The following EXOC4 variants were observed in gnomAD, a reference collection of about 807,000 sequenced individuals.
EXOC4 encodes the protein exocyst complex component 4.
Under a neutral mutation model 107.2 loss-of-function variants are expected in EXOC4, and 71 were observed. That is an observed-to-expected ratio of 0.66 (90% CI 0.55 to 0.81). EXOC4 has a LOEUF of 0.81. EXOC4 is among the 30% of genes least tolerant of loss of function. The pLI, the probability that EXOC4 is intolerant of heterozygous loss-of-function variation, is 0.00. For missense variants in EXOC4, 1,108 were observed against 1,189.6 expected (o/e 0.93, Z 1.01); for synonymous variants, 456 against 441.2 (o/e 1.03, Z -0.42).
At chr7:133,507,071 T>G (rs1211831718) in intron 9 of EXOC4, among the ~76,000 whole-genome samples, 1 of 152,140 alleles carries the variant, frequency 6.6e-6, no homozygotes, top group Non-Finnish European at 1.5e-5. Flanking sequence ...AGAGTAGTAT[T>G]TTTTGATACT....
At chr7:133,895,528 G>C in intron 11 of EXOC4, 71 bp from the exon 12 acceptor site, 2 of 1,445,692 alleles carry the variant, frequency 1.4e-6, no homozygotes, top group South Asian at 1.2e-5. Flanking sequence ...TGACATACTT[G>C]GAGTTGTCCT....
chr7:133,282,451 CAT>C (rs1208988945), intron 2 of EXOC4, among the ~76,000 whole-genome samples: 1 of 152,046 alleles, frequency 6.6e-6, no homozygotes, highest in Admixed American at 6.6e-5. Flanking sequence ...AACAGAGTAA[CAT>C]AATTTTTCAA....
At chr7:133,576,660 A>T in intron 9 of EXOC4, 2 of 1,289,766 alleles carry the variant, frequency 1.6e-6, no homozygotes, top group Non-Finnish European at 2.0e-6. Flanking sequence ...TTGAAAAAGA[A>T]ACAATCAGAA....
chr7:133,619,079 G>A (rs1802264276), intron 9 of EXOC4, among the ~76,000 whole-genome samples: 1 of 148,608 alleles, frequency 6.7e-6, no homozygotes, highest in South Asian at 2.2e-4. Flanking sequence ...AGGTTTGCTG[G>A]TAAAGTTATT....
intron 10 of EXOC4, among the ~76,000 whole-genome samples, chr7:133,666,379 G>T (rs1793813275): frequency 1.3e-5 from 2 of 152,062 alleles, no homozygotes; most frequent in Admixed American, 1.3e-4. Flanking sequence ...CTCCAGAATG[G>T]ATTGGGGTGA....
intron 9 of EXOC4, among the ~76,000 whole-genome samples, chr7:133,522,381 G>A (rs1799997493): frequency 6.6e-6 from 1 of 152,126 alleles, no homozygotes; most frequent in South Asian, 2.1e-4. Context: ...ACAGTAATAT[G>A]ATGGAGTGAT....
chr7:133,928,262 T>G (rs1380888098), intron 13 of EXOC4, among the ~76,000 whole-genome samples: 1 of 152,112 alleles, frequency 6.6e-6, no homozygotes, highest in Non-Finnish European at 1.5e-5. Context: ...CCTGTGCCAT[T>G]GTGGTGGTGG....
chr7:133,490,577 T>C (rs1799353295), intron 9 of EXOC4, among the ~76,000 whole-genome samples: 1 of 152,204 alleles, frequency 6.6e-6, no homozygotes, highest in Admixed American at 6.5e-5. Flanking sequence ...TTTCACAACA[T>C]GAATCGGATA....
intron 11 of EXOC4, among the ~76,000 whole-genome samples, chr7:133,866,896 T>G (rs1225016845): frequency 6.6e-6 from 1 of 152,244 alleles, no homozygotes; most frequent in Non-Finnish European, 1.5e-5. Flanking sequence ...TGCAGCTTTC[T>G]CTCCTGAAGA....
chr7:133,595,466 A>T (rs1801646286), intron 9 of EXOC4, among the ~76,000 whole-genome samples: 1 of 152,194 alleles, frequency 6.6e-6, no homozygotes. Flanking sequence ...TTAGATTAGC[A>T]TCTGCTTTTA....
intron 11 of EXOC4, among the ~76,000 whole-genome samples, chr7:133,877,326 G>A (rs1265430558): frequency 6.6e-6 from 1 of 152,090 alleles, no homozygotes; most frequent in Non-Finnish European, 1.5e-5. Context: ...GCCTGGTAAT[G>A]TTTTTATTGG....
chr7:134,056,075 T>A (rs1256659811), intron 17 of EXOC4, among the ~76,000 whole-genome samples: 1 of 152,200 alleles, frequency 6.6e-6, no homozygotes, highest in Non-Finnish European at 1.5e-5. Flanking sequence ...ATATAGATAA[T>A]ATACACTACA....
chr7:133,587,915 G>GT (rs1038817275), intron 9 of EXOC4, among the ~76,000 whole-genome samples: 4 of 151,732 alleles, frequency 2.6e-5, no homozygotes, highest in African/African-American at 4.8e-5. Context: ...GTTCTAGCAG[G>GT]TTTTTTTTTC....
At chr7:134,070,528 GAACT>G (rs1796259717), downstream of EXOC4, among the ~76,000 whole-genome samples, 1 of 152,150 alleles carries the variant, frequency 6.6e-6, no homozygotes, top group Admixed American at 6.5e-5. Context: ...CTTTAAAAGT[GAACT>G]AAGACGCAAA....
At chr7:133,458,264 G>A (rs1006750191) in intron 7 of EXOC4, among the ~76,000 whole-genome samples, 1 of 152,186 alleles carries the variant, frequency 6.6e-6, no homozygotes, top group African/African-American at 2.4e-5. Context: ...TGACTCTGGG[G>A]GTTGGGATTG....
chr7:133,736,862 A>G (rs1795454949), intron 10 of EXOC4, among the ~76,000 whole-genome samples: 1 of 152,190 alleles, frequency 6.6e-6, no homozygotes, highest in Non-Finnish European at 1.5e-5. Flanking sequence ...CTCAAAACAA[A>G]CTGCCTTCTG....
chr7:133,945,665 A>G (rs10269665), intron 14 of EXOC4, among the ~76,000 whole-genome samples: 45,855 of 152,174 alleles, frequency 0.3, 7,327 homozygotes, highest in Non-Finnish European at 0.34. Flanking sequence ...GTCATTGAAA[A>G]TAAATGGAAA....
chr7:133,293,264 T>C (rs751442210), intron 3 of EXOC4, among the ~76,000 whole-genome samples: 2 of 152,212 alleles, frequency 1.3e-5, no homozygotes, highest in African/African-American at 2.4e-5. Flanking sequence ...TGGTCTTTTG[T>C]ATATAAGATT....
chr7:133,876,553 CT>C (rs1191242042), intron 11 of EXOC4, among the ~76,000 whole-genome samples: 2 of 151,804 alleles, frequency 1.3e-5, no homozygotes, highest in Admixed American at 6.6e-5. Flanking sequence ...TGTTCTACTT[CT>C]TTTTTTCTCT....
Sources: gnomAD v4.1 joint callset for allele counts (sites outside exome capture counted in the v4.1 genomes callset) on GRCh38, gnomAD v4.1.1 for gene constraint, MANE v1.5 for transcripts, NCBI Gene and HGNC (gene_info 2026-07-23, HGNC 2026-07-21) for gene names.